The following SH3PXD2A variants were observed in gnomAD, a reference collection of about 807,000 sequenced individuals.
SH3PXD2A encodes the protein SH3 and PX domain-containing protein 2A.
SH3PXD2A carries 32 observed loss-of-function variants against 115.2 expected under a neutral mutation model. The observed-to-expected ratio is 0.28, with a 90% CI of 0.21 to 0.37. SH3PXD2A has a LOEUF of 0.37. Among genes scored for constraint, SH3PXD2A ranks in the 10% least tolerant of loss-of-function variants. The probability of loss-of-function intolerance (pLI) is 1.00; values close to 1 mark genes in which losing one functional copy is unlikely to be tolerated. For missense variants in SH3PXD2A, 1,328 were observed against 1,498.7 expected (o/e 0.89, Z 1.88); for synonymous variants, 610 against 629.1 (o/e 0.97, Z 0.45).
At chr10:103,726,291 A>G (rs1364194456) in intron 4 of SH3PXD2A, among the ~76,000 whole-genome samples, 1 of 152,164 alleles carries the variant, frequency 6.6e-6, no homozygotes, top group Non-Finnish European at 1.5e-5. Flanking sequence ...CAAGGCCTAG[A>G]TCCAGTGGCT....
At chr10:103,783,483 G>A (rs1227514604) in intron 2 of SH3PXD2A, among the ~76,000 whole-genome samples, 1 of 152,204 alleles carries the variant, frequency 6.6e-6, no homozygotes, top group Admixed American at 6.5e-5. Flanking sequence ...AGCTGAGGAC[G>A]AGCTGACTTG....
intron 5 of SH3PXD2A, among the ~76,000 whole-genome samples, chr10:103,716,100 A>G (rs957553723): frequency 1.3e-5 from 2 of 151,876 alleles, no homozygotes; most frequent in Non-Finnish European, 2.9e-5. Flanking sequence ...CCAGGCCCCA[A>G]GCAGCATCTG....
At chr10:103,714,924 G>A (rs1187698207) in intron 5 of SH3PXD2A, among the ~76,000 whole-genome samples, 3 of 152,256 alleles carry the variant, frequency 2.0e-5, no homozygotes, top group Non-Finnish European at 2.9e-5. Context: ...AGGAGAGACA[G>A]GGACTTGGGA....
chr10:103,802,928 G>C (rs1358478259), intron 1 of SH3PXD2A, among the ~76,000 whole-genome samples: 2 of 152,200 alleles, frequency 1.3e-5, no homozygotes, highest in Non-Finnish European at 2.9e-5. Flanking sequence ...AGCCAGTGAG[G>C]CCAGGGATCT....
At chr10:103,757,145 T>G (rs184375398) in intron 3 of SH3PXD2A, among the ~76,000 whole-genome samples, 7 of 152,192 alleles carry the variant, frequency 4.6e-5, no homozygotes, top group African/African-American at 1.7e-4. Flanking sequence ...CATTTAGGCA[T>G]CAGGTAAGGA....
intron 1 of SH3PXD2A, among the ~76,000 whole-genome samples, chr10:103,809,503 C>A (rs2039243182): frequency 6.6e-6 from 1 of 152,164 alleles, no homozygotes; most frequent in African/African-American, 2.4e-5. Context: ...TGGACCTTCT[C>A]TGGGGAAAAG....
At chr10:103,768,437 G>A (rs1459784331) in intron 2 of SH3PXD2A, among the ~76,000 whole-genome samples, 1 of 152,196 alleles carries the variant, frequency 6.6e-6, no homozygotes, top group Non-Finnish European at 1.5e-5. Context: ...AAAGAGCCTG[G>A]CAAGGCCGAT....
intron 8 of SH3PXD2A, among the ~76,000 whole-genome samples, chr10:103,653,352 TAGA>T (rs1200972991): frequency 4.6e-5 from 7 of 152,142 alleles, no homozygotes; most frequent in Admixed American, 4.6e-4. Context: ...GCTCAGTCAG[TAGA>T]AACCTGTTTG....
chr10:103,715,584 AATTC>A (rs2038095977), intron 5 of SH3PXD2A, among the ~76,000 whole-genome samples: 1 of 152,206 alleles, frequency 6.6e-6, no homozygotes, highest in African/African-American at 2.4e-5. Context: ...GCATCATCCC[AATTC>A]ATTCTCCCCA....
intron 2 of SH3PXD2A, among the ~76,000 whole-genome samples, chr10:103,781,582 C>T (rs2038931912): frequency 6.6e-6 from 1 of 152,232 alleles, no homozygotes; most frequent in Non-Finnish European, 1.5e-5. Flanking sequence ...TTGAAACAAA[C>T]TAAAAGAGGG....
At chr10:103,687,957 G>A (rs560839947) in intron 6 of SH3PXD2A, among the ~76,000 whole-genome samples, 3 of 152,126 alleles carry the variant, frequency 2.0e-5, no homozygotes, top group Non-Finnish European at 2.9e-5. Flanking sequence ...TCTTCCTCAG[G>A]TAACCATGTT....
At chr10:103,655,055 C>T (rs543631802) in intron 8 of SH3PXD2A, among the ~76,000 whole-genome samples, 27 of 152,156 alleles carry the variant, frequency 1.8e-4, no homozygotes, top group Non-Finnish European at 3.1e-4. Context: ...AAGTGGGTAA[C>T]GGCTGCACAC....
rs1467499437 is a variant in SH3PXD2A at position 103,693,234 on chromosome 10, CGCCCGCCCGCCCGCGG to C, written c.399-194_399-179del. ...GCACGCACTGCGCGCCGCGCCCGCCCGCCCGCCCGCCCGCGGGCCCCCTGCCAGCCCGGCCCCCAGG... is the reference window on the plus strand; with the variant it reads ...GCACGCACTGCGCGCCGCGCCCGCCCGCCCCCTGCCAGCCCGGCCCCCAGG... On this transcript the variant is annotated intron_variant, in intron 5 of 14. Coordinates refer to ENST00000369774, the MANE Select transcript of SH3PXD2A (RefSeq NM_001394015.1). 1.4e-3 allele frequency: 210 copies of C among 152,666 alleles called. 2 individuals carry two copies. The highest frequency in any genetic ancestry group is 5.0e-3 in the African/African-American group (206 of 40,844). The allele number at this position is 152,666 out of a possible 1,614,324, so 9.5% of individuals were successfully genotyped here.
chr10:103,802,130 G>T (rs1455818459), intron 1 of SH3PXD2A, among the ~76,000 whole-genome samples: 2 of 152,184 alleles, frequency 1.3e-5, no homozygotes. Context: ...TGAGGGCTCG[G>T]ATGTTTACAC....
chr10:103,658,805 T>A (rs2037248781), intron 8 of SH3PXD2A, among the ~76,000 whole-genome samples: 2 of 152,198 alleles, frequency 1.3e-5, no homozygotes, highest in Admixed American at 6.5e-5. Flanking sequence ...AGTTCAGACC[T>A]GAGAGAGAGC....
chr10:103,700,442 G>T (rs2037879191), intron 5 of SH3PXD2A, among the ~76,000 whole-genome samples: 2 of 152,178 alleles, frequency 1.3e-5, no homozygotes, highest in Non-Finnish European at 2.9e-5. Flanking sequence ...AATGCAGGAG[G>T]TGCTGACTGC....
At chr10:103,783,782 G>A (rs966722320) in intron 2 of SH3PXD2A, among the ~76,000 whole-genome samples, 1 of 152,230 alleles carries the variant, frequency 6.6e-6, no homozygotes, top group African/African-American at 2.4e-5. Flanking sequence ...GGGAGAACAA[G>A]GTGGAGCCCA....
At chr10:103,854,328 A>C (rs151234688) in intron 1 of SH3PXD2A, among the ~76,000 whole-genome samples, 116 of 152,272 alleles carry the variant, frequency 7.6e-4, no homozygotes, top group African/African-American at 2.6e-3. Context: ...CAAGTACAGG[A>C]GCACAGACGC....
chr10:103,748,001 C>G (rs2038527357), intron 3 of SH3PXD2A, among the ~76,000 whole-genome samples: 1 of 151,910 alleles, frequency 6.6e-6, no homozygotes. Context: ...TGAGCCCAGA[C>G]AGTCAACTCT....
Sources: allele counts gnomAD v4.1 joint callset (sites outside exome capture counted in the v4.1 genomes callset), GRCh38; gene constraint gnomAD v4.1.1; transcripts MANE v1.5; gene names NCBI Gene and HGNC (gene_info 2026-07-23, HGNC 2026-07-21).